The following CP variants were observed in gnomAD, a reference collection of about 807,000 sequenced individuals.
CP encodes caeruloplasmin.
CP carries 64 observed loss-of-function variants against 122.4 expected under a neutral mutation model. The observed-to-expected ratio is 0.52, with a 90% confidence interval of 0.43 to 0.64. The LOEUF is 0.64. Ranked by LOEUF, CP falls within the 30% of genes least tolerant of loss-of-function variation. The probability of loss-of-function intolerance (pLI) is 0.00; values close to 1 mark genes in which losing one functional copy is unlikely to be tolerated. For missense variants in CP, 1,167 were observed against 1,284.4 expected, an observed-to-expected ratio of 0.91 and a Z score of 1.40; for synonymous variants, 440 against 436.4, an observed-to-expected ratio of 1.01 and a Z score of -0.10.
chr3:149,172,512 G>A lies in CP; in HGVS notation c.*1202C>T, dbSNP rs769668427. 2.5e-5 allele frequency: 7 copies of A among 284,916 alleles called. No individual in the cohort carries two copies. Among genetic ancestry groups the A allele is most frequent in the Admixed American group, 9.3e-5 (2 of 21,552 alleles). The allele number at this position is 284,916 out of a possible 1,614,324, so 17.6% of individuals were successfully genotyped here. ...AGAAGCCATACATTTTTTAAGGTGG[G>A]GATTGACTTTTATTCCAAGGAACAA... On this transcript the variant is annotated 3_prime_UTR_variant, in exon 19 of 19. Transcript: ENST00000264613.
At position 149,180,017 on chromosome 3, in the gene CP, T is replaced by A. The variant is rs746231677; in HGVS notation, c.2555-355A>T. On this transcript the variant is annotated intron_variant, in intron 14 of 18. Transcript: ENST00000264613. The stretch of plus-strand genomic sequence containing the variant: ...TGTGTTTTCCTAATATACTTTTTTC[T>A]CTTCAGATACCAAGTGATTTTTCCC... 3.7e-4 allele frequency: 105 copies of A among 284,128 alleles called. 1 individual carries two copies. Among genetic ancestry groups the A allele is most frequent in the Admixed American group, 2.4e-4 (5 of 20,792 alleles). 17.6% of individuals were successfully genotyped at this position (284,128 alleles called of 1,614,324 possible). A position where few individuals can be genotyped will look rare whatever the true frequency, so the allele number is the denominator to read the frequency against.
intron 14 of CP, among the ~76,000 whole-genome samples, chr3:149,181,616 A>G (rs1164073016): frequency 1.3e-5 from 2 of 151,964 alleles, no homozygotes; most frequent in Non-Finnish European, 2.9e-5. Context: ...AGATAGGGGG[A>G]ATTTAGAGTT....
Position 149,176,317 on chromosome 3 carries a change from G to T in CP, c.3114C>A (p.Leu1038=). The change falls in exon 18 of 19, where the codon CTC becomes CTA. Residue 1038 remains leucine, a synonymous_variant. Transcript: ENST00000264613. ...GAATGTGGTCGGTCACATGGCAGTG[G>T]AGTAACCAAATTCCAGGTGTTCTTG... is the stretch of plus-strand genomic sequence containing the variant. ...MFPRTPGIWL[L]HCHVTDHIHA... 1 of 1,613,458 alleles carries T rather than the reference G, an allele frequency of 6.2e-7. No individual in the cohort carries two copies. Among genetic ancestry groups the T allele is most frequent in the South Asian group, 1.1e-5 (1 of 91,060 alleles).
At chr3:149,173,817 T>G in intron 18 of CP, 87 bp from the exon 19 acceptor site, 1 of 646,082 alleles carries the variant, frequency 1.5e-6, no homozygotes, top group Middle Eastern at 4.2e-4. Flanking sequence ...ATTCCAATTT[T>G]TAATGTTACT....
At chr3:149,178,908 T>A (rs947143955) in intron 15 of CP, among the ~76,000 whole-genome samples, 3 of 152,204 alleles carry the variant, frequency 2.0e-5, no homozygotes, top group African/African-American at 7.2e-5. Context: ...TTTAAAAGAA[T>A]CCCAAATGAA....
At chr3:149,185,547 GGTGATCTAGCTTTCCACAC>G (rs2108236587) in intron 11 of CP, 101 bp from the exon 12 acceptor site, 1 of 1,093,024 alleles carries the variant, frequency 9.1e-7, no homozygotes, top group Non-Finnish European at 1.4e-6. Flanking sequence ...CATGGCCTCA[GGTGATCTAGCTTTCCACAC>G]CTTCTGCTCA....
intron 18 of CP, among the ~76,000 whole-genome samples, chr3:149,174,803 A>G (rs1446032205): frequency 6.6e-6 from 1 of 152,166 alleles, no homozygotes; most frequent in African/African-American, 2.4e-5. Context: ...AGTTCAAACT[A>G]TCTTTTTTTA....
chr3:149,167,226 A>G (rs1486438694), intron 4 of CP: 1 of 1,613,014 alleles, frequency 6.2e-7, no homozygotes, highest in Admixed American at 1.7e-5. Flanking sequence ...TCATGAACTG[A>G]AAGAAGAGAA....
chr3:149,202,855 C>T (rs548150591), intron 6 of CP, among the ~76,000 whole-genome samples: 26 of 148,078 alleles, frequency 1.8e-4, no homozygotes, highest in Non-Finnish European at 3.4e-4. Context: ...ATGATCTGCC[C>T]GCCTCGGCCT....
At chr3:149,218,783 G>T (rs993400563) in intron 1 of CP, among the ~76,000 whole-genome samples, 1 of 152,090 alleles carries the variant, frequency 6.6e-6, no homozygotes, top group Admixed American at 6.6e-5. Flanking sequence ...CCAAGCACTA[G>T]TACTTGCATA....
intron 18 of CP, 89 bp downstream of exon 18, chr3:149,176,161 C>T: frequency 8.4e-7 from 1 of 1,189,808 alleles, no homozygotes; most frequent in South Asian, 1.2e-5. Context: ...CATATTGATG[C>T]ATCATATTGG....
intron 9 of CP, among the ~76,000 whole-genome samples, chr3:149,193,521 G>C (rs1424064953): frequency 7.2e-5 from 11 of 151,914 alleles, no homozygotes; most frequent in Non-Finnish European, 1.5e-5. Context: ...TCCCTTTTTT[G>C]TGTTGAGACT....
In CP at chr3:149,186,674, C is replaced by T. The variant is rs745966582; in HGVS notation, c.1923G>A (p.Ser641=). The change falls in exon 11 of 19, where the codon TCG becomes TCA. Residue 641 remains serine, a synonymous_variant. Transcript: ENST00000264613. ...CGGCGCTGAATAAGTACCACACGAC[C>T]GAATCTCCTTTGCACATAGTGAGAC... ...QPGLTMCKGD[S]VVWYLFSAGN... 8 of 1,614,020 alleles carry T rather than the reference C, an allele frequency of 5.0e-6. No individual in the cohort carries two copies. In the East Asian group the frequency reaches 6.7e-5, roughly 13 times the overall value.
intron 13 of CP, among the ~76,000 whole-genome samples, chr3:149,183,253 A>G (rs1234477614): frequency 2.0e-5 from 3 of 152,232 alleles, no homozygotes; most frequent in African/African-American, 4.8e-5. Flanking sequence ...GGGACAATAC[A>G]TAGTTTCCAA....
chr3:149,186,799 T>C, intron 10 of CP, 67 bp from the exon 11 acceptor site: 1 of 1,452,280 alleles, frequency 6.9e-7, no homozygotes, highest in Non-Finnish European at 9.7e-7. Context: ...CCTCACAGAC[T>C]TTCCAGGACC....
At chr3:149,197,298 A>G (rs1726957043) in intron 9 of CP, among the ~76,000 whole-genome samples, 1 of 152,196 alleles carries the variant, frequency 6.6e-6, no homozygotes, top group African/African-American at 2.4e-5. Context: ...CCTCAGGGTA[A>G]CCAAATAATT....
intron 14 of CP, among the ~76,000 whole-genome samples, chr3:149,181,229 G>C (rs777186558): frequency 2.0e-5 from 3 of 152,110 alleles, no homozygotes; most frequent in Non-Finnish European, 4.4e-5. Context: ...TCTGTCCCTT[G>C]TGTGCTTTTC....
downstream of CP, chr3:149,172,355 CAT>C (rs1553756781): frequency 5.2e-4 from 319 of 619,228 alleles, no homozygotes; most frequent in African/African-American, 4.6e-3. Flanking sequence ...CACACACACA[CAT>C]ATATGATACA....
Position 149,178,644 on chromosome 3 carries a change from A to C in CP, c.2662-13T>G, listed in dbSNP as rs200646301. ...CACTGTAGAGGTCCTGGAAACAAGA[A>C]AAATCTTCAGTAACCCTTGTGAATT... On this transcript the variant is annotated splice_polypyrimidine_tract_variant and intron_variant, in intron 15 of 18. Coordinates refer to ENST00000264613, the MANE Select transcript of CP (RefSeq NM_000096.4). 6 of 1,564,298 alleles carry C rather than the reference A, an allele frequency of 3.8e-6. No homozygotes were observed. The South Asian group carries it at 6.7e-5, about 18-fold the overall frequency.
Sources: gnomAD v4.1 joint callset for allele counts (sites outside exome capture counted in the v4.1 genomes callset) on GRCh38, gnomAD v4.1.1 for gene constraint, MANE v1.5 for transcripts, NCBI Gene and HGNC (gene_info 2026-07-23, HGNC 2026-07-21) for gene names.